VPS37A: variants seen among roughly 807,000 people sequenced by gnomAD.
VPS37A encodes vacuolar protein sorting-associated protein 37A.
A neutral mutation model predicts 49.8 loss-of-function variants in VPS37A; 30 were observed. That is an observed-to-expected ratio of 0.60 (90% confidence interval 0.45 to 0.82). The LOEUF (loss-of-function observed/expected upper bound fraction) is 0.82. Ranked by LOEUF, VPS37A falls within the 40% of genes least tolerant of loss-of-function variation. VPS37A has a pLI of 0.00. For missense variants in VPS37A, 593 were observed against 464.4 expected, an observed-to-expected ratio of 1.28 and a Z score of -2.55; for synonymous variants, 195 against 160.6, an observed-to-expected ratio of 1.21 and a Z score of -1.62.
intron 1 of VPS37A, 186 bp downstream of exon 1, chr8:17,247,555 C>T: frequency 4.9e-6 from 4 of 816,422 alleles, no homozygotes; most frequent in Non-Finnish European, 8.1e-6. Context: ...CCGGACCCTC[C>T]CTGCCTCCTG....
At position 17,297,556 on chromosome 8, in the gene VPS37A, C is replaced by CTATTAT. The variant is rs3216865; in HGVS notation, c.*2574_*2575insATTATT. The CTATTAT allele has an allele frequency of 1.2e-4, 18 of 151,572 alleles. No homozygotes were observed. Among genetic ancestry groups the CTATTAT allele is most frequent in the African/African-American group, 3.4e-4 (14 of 41,266 alleles). The allele number at this position is 151,572 out of a possible 1,614,324, so 9.4% of individuals were successfully genotyped here. A position where few individuals can be genotyped will look rare whatever the true frequency, so the allele number is the denominator to read the frequency against. ...GCTGGGTCATGGTCAAAATTCTTAC[C>CTATTAT]TATTTATTTCATATCAACTTTAAAA... On this transcript the variant is annotated 3_prime_UTR_variant, in exon 12 of 12. Coordinates refer to ENST00000324849, the MANE Select transcript of VPS37A (RefSeq NM_152415.3).
intron 9 of VPS37A, among the ~76,000 whole-genome samples, chr8:17,283,044 C>G (rs1239141659): frequency 6.6e-6 from 1 of 152,126 alleles, no homozygotes; most frequent in Non-Finnish European, 1.5e-5. Context: ...ATAAAACATC[C>G]ATGTGAGCCA....
chr8:17,307,643 C>A, the VPS37A span, among the ~76,000 whole-genome samples: 3 of 152,134 alleles, frequency 2.0e-5, no homozygotes, highest in Non-Finnish European at 2.9e-5. Context: ...ACCTATATGT[C>A]CAACAACAAT....
At chr8:17,314,091 T>C in the VPS37A span, among the ~76,000 whole-genome samples, 1 of 152,130 alleles carries the variant, frequency 6.6e-6, no homozygotes, top group African/African-American at 2.4e-5. Context: ...ACCTCTATAA[T>C]ATTATAAACC....
the VPS37A span, among the ~76,000 whole-genome samples, chr8:17,318,013 G>A: frequency 2.0e-5 from 3 of 152,016 alleles, no homozygotes; most frequent in Admixed American, 6.6e-5. Context: ...ATTCCTTTGG[G>A]TCTGTGCAAG....
the VPS37A span, among the ~76,000 whole-genome samples, chr8:17,321,202 A>G: frequency 6.6e-5 from 10 of 152,210 alleles, no homozygotes; most frequent in Non-Finnish European, 1.5e-4. Context: ...AAAAATAAAG[A>G]CACTGGGCTT....
intron 11 of VPS37A, among the ~76,000 whole-genome samples, chr8:17,294,735 T>A (rs1450862763): frequency 6.6e-6 from 1 of 152,182 alleles, no homozygotes; most frequent in Non-Finnish European, 1.5e-5. Flanking sequence ...CCACCCTGCT[T>A]CTGCTCACCC....
At chr8:17,247,607 C>G (rs776973109) in intron 1 of VPS37A, 3 of 708,076 alleles carry the variant, frequency 4.2e-6, no homozygotes, top group Non-Finnish European at 7.7e-6. Context: ...TTTCCTCATC[C>G]CTCCTGACAC....
chr8:17,330,251 T>C, the VPS37A span, among the ~76,000 whole-genome samples: 3 of 152,222 alleles, frequency 2.0e-5, no homozygotes, highest in Non-Finnish European at 4.4e-5. Context: ...AGCACCTTAT[T>C]TGTCCCTCTT....
At chr8:17,309,417 T>G in the VPS37A span, 1 of 872,144 alleles carries the variant, frequency 1.1e-6, no homozygotes, top group Admixed American at 2.1e-5. Flanking sequence ...TCAGAGGCAC[T>G]TGCAGAAGTC....
the VPS37A span, chr8:17,311,601 G>C: frequency 6.2e-7 from 1 of 1,614,104 alleles, no homozygotes. Flanking sequence ...CATCAGAACA[G>C]TGAACAAGCA....
chr8:17,307,321 C>G (rs1397532022), downstream of VPS37A, among the ~76,000 whole-genome samples: 1 of 152,200 alleles, frequency 6.6e-6, no homozygotes, highest in Non-Finnish European at 1.5e-5. Context: ...AAATGCAAAT[C>G]AAAACCACAA....
chr8:17,274,697 A>G, intron 4 of VPS37A, 36 bp from the exon 5 acceptor site: 1 of 1,539,468 alleles, frequency 6.5e-7, no homozygotes, highest in Admixed American at 1.7e-5. Flanking sequence ...TTTATCCATA[A>G]AATCTAATGT....
At chr8:17,322,140 G>C in the VPS37A span, among the ~76,000 whole-genome samples, 2 of 151,832 alleles carry the variant, frequency 1.3e-5, no homozygotes, top group Non-Finnish European at 2.9e-5. Context: ...CTGCCTGTTG[G>C]CTCTGTCCTC....
the VPS37A span, chr8:17,311,643 AAC>A: frequency 1.3e-5 from 21 of 1,613,964 alleles, no homozygotes; most frequent in Admixed American, 5.0e-5. Context: ...CTGCCTAGAA[AAC>A]ACACGATCCG....
rs10086176 is a variant in VPS37A, at chr8:17,283,991, A to G, written c.970-482A>G. Among the ~76,000 whole-genome samples, 750 of 152,254 alleles carry G rather than the reference A, an allele frequency of 4.9e-3. 8 individuals are homozygous for G. Among genetic ancestry groups the G allele is most frequent in the African/African-American group, 0.017 (727 of 41,548 alleles). ...TGTCTTCCAGTAATTTATGTCTTCA[A>G]TTTCTTATAGCAGTGTCTACAGTTT... is the stretch of plus-strand genomic sequence containing the variant. On this transcript the variant is annotated intron_variant, in intron 9 of 11. Transcript: ENST00000324849.
chr8:17,263,311 C>A (rs1380983297), intron 1 of VPS37A, among the ~76,000 whole-genome samples: 2 of 152,042 alleles, frequency 1.3e-5, no homozygotes, highest in South Asian at 4.2e-4. Flanking sequence ...AAAATAGCAA[C>A]ATTCAAAATC....
In VPS37A at chr8:17,274,896, C is replaced by G. The variant is rs772973169; in HGVS notation, c.580C>G (p.Pro194Ala). 3 of 1,614,162 alleles carry G rather than the reference C, an allele frequency of 1.9e-6. No individual in the cohort carries two copies. The highest frequency in any genetic ancestry group is 2.2e-5 in the East Asian group (1 of 44,866). ...TSHTTAKPAA[P>A]SFGVLSNLPL... ...TCATACCACAGCCAAGCCTGCCGCTCCTTCATTTGGTGTCCTTTCAAATCT... is the reference window on the plus strand; with the variant it reads ...TCATACCACAGCCAAGCCTGCCGCTGCTTCATTTGGTGTCCTTTCAAATCT... The change falls in exon 5 of 12, where the codon CCT (proline) becomes GCT (alanine). Residue 194 changes from proline to alanine, a missense_variant. By Grantham distance (27) the Pro-to-Ala change is conservative (BLOSUM62 -1). Coordinates refer to ENST00000324849, the MANE Select transcript of VPS37A (RefSeq NM_152415.3).
At chr8:17,302,497 T>C, downstream of VPS37A, 1 of 477,524 alleles carries the variant, frequency 2.1e-6, no homozygotes. Context: ...TTATGAAAAG[T>C]CTGCCTGTAT....
Sources: gnomAD v4.1 joint callset for allele counts (sites outside exome capture counted in the v4.1 genomes callset) on GRCh38, gnomAD v4.1.1 for gene constraint, MANE v1.5 for transcripts, NCBI Gene and HGNC (gene_info 2026-07-23, HGNC 2026-07-21) for gene names.